The following NCKAP5 variants were observed in gnomAD, a reference collection of about 807,000 sequenced individuals.
The protein encoded by NCKAP5 is nck-associated protein 5.
A neutral mutation model predicts 167.0 loss-of-function variants in NCKAP5; 92 were observed. That is an observed-to-expected ratio of 0.55 (90% CI 0.47 to 0.66). The LOEUF (loss-of-function observed/expected upper bound fraction) is 0.66. Ranked by LOEUF, NCKAP5 falls within the 30% of genes least tolerant of loss-of-function variation. The pLI is 0.00. For missense variants in NCKAP5, 2,378 were observed against 2,315.0 expected (o/e 1.03, Z -0.56); for synonymous variants, 891 against 877.4 (o/e 1.02, Z -0.27).
the NCKAP5 span, among the ~76,000 whole-genome samples, chr2:133,613,344 T>A: frequency 4.3e-4 from 65 of 152,280 alleles, no homozygotes; most frequent in East Asian, 0.012. Context: ...GTTATAATTA[T>A]TAAGAAAGAT....
At chr2:133,591,474 G>T in the NCKAP5 span, among the ~76,000 whole-genome samples, 23 of 152,338 alleles carry the variant, frequency 1.5e-4, no homozygotes, top group South Asian at 4.8e-3. Flanking sequence ...GAAGGAGGGG[G>T]AGAGGACTTC....
At chr2:133,001,707 G>A (rs1038278150) in intron 6 of NCKAP5, among the ~76,000 whole-genome samples, 5 of 152,062 alleles carry the variant, frequency 3.3e-5, no homozygotes, top group African/African-American at 9.7e-5. Context: ...ACTTGGCTGG[G>A]TATCAACATT....
rs145254097 is a variant in NCKAP5 at position 133,418,901 on chromosome 2, C to T, written c.69+98557G>A. Reference sequence around the variant, plus strand: ...TTTTACCCTTAGTGTGGGTTCAGACCGAGGGCATATTGAGTCACAATGAAA... The same window carrying T: ...TTTTACCCTTAGTGTGGGTTCAGACTGAGGGCATATTGAGTCACAATGAAA... On this transcript the variant is annotated intron_variant, in intron 3 of 19. Coordinates refer to ENST00000409261, the MANE Select transcript of NCKAP5 (RefSeq NM_207363.3). Among the ~76,000 whole-genome samples, 27 of 152,114 alleles carry T rather than the reference C, an allele frequency of 1.8e-4. No individual in the cohort carries two copies. In the East Asian group the frequency reaches 3.7e-3, roughly 21 times the overall value.
intron 3 of NCKAP5, among the ~76,000 whole-genome samples, chr2:133,465,077 A>T (rs1423727395): frequency 6.6e-6 from 1 of 151,724 alleles, no homozygotes; most frequent in Admixed American, 6.6e-5. Context: ...TTACATATGT[A>T]TACATGTGCC....
chr2:132,694,138 T>TA (rs10665862), intron 19 of NCKAP5, among the ~76,000 whole-genome samples: 16 of 150,748 alleles, frequency 1.1e-4, no homozygotes, highest in South Asian at 8.4e-4. Context: ...TTTATTTATT[T>TA]TTTGAATTTC....
At chr2:133,315,649 AT>A in intron 3 of NCKAP5, among the ~76,000 whole-genome samples, 1 of 151,698 alleles carries the variant, frequency 6.6e-6, no homozygotes, top group African/African-American at 2.4e-5. Context: ...AAAAAAGTAA[AT>A]GAAGGAGAGG....
chr2:132,795,812 C>T (rs1480117344), intron 12 of NCKAP5, among the ~76,000 whole-genome samples: 1 of 116,076 alleles, frequency 8.6e-6, no homozygotes, highest in African/African-American at 3.4e-5. Flanking sequence ...GGATGAGACC[C>T]CGTATCAGAA....
intron 19 of NCKAP5, among the ~76,000 whole-genome samples, chr2:132,689,704 C>T (rs1686471791): frequency 6.6e-6 from 1 of 152,154 alleles, no homozygotes; most frequent in African/African-American, 2.4e-5. Context: ...CTTCTTAACA[C>T]CACAATTCAG....
chr2:132,974,397 G>A (rs534646756), intron 7 of NCKAP5, among the ~76,000 whole-genome samples: 114 of 152,202 alleles, frequency 7.5e-4, no homozygotes, highest in African/African-American at 2.4e-3. Flanking sequence ...AATAAATAAC[G>A]ATTCATATTT....
chr2:133,216,446 T>C (rs572064777), intron 4 of NCKAP5, among the ~76,000 whole-genome samples: 6 of 152,170 alleles, frequency 3.9e-5, no homozygotes, highest in African/African-American at 1.2e-4. Flanking sequence ...TGAGAAGAGA[T>C]GTAGAGTTTT....
chr2:132,792,834 C>G (rs989272530), intron 12 of NCKAP5, among the ~76,000 whole-genome samples: 2 of 152,154 alleles, frequency 1.3e-5, no homozygotes, highest in Admixed American at 6.5e-5. Flanking sequence ...AACTCAATTC[C>G]CAGGTCTCTT....
At chr2:133,498,460 AAGGAAGGAAGGAAGGAAGGAAGGC>A (rs1262510644) in intron 3 of NCKAP5, among the ~76,000 whole-genome samples, 8 of 140,744 alleles carry the variant, frequency 5.7e-5, no homozygotes, top group African/African-American at 1.7e-4. Context: ...GGAAGGAAGG[AAGGAAGGAAGGAAGGAAGGAAGGC>A]AGGCAGGCAG....
At chr2:132,698,859 A>AC (rs200872643) in intron 19 of NCKAP5, among the ~76,000 whole-genome samples, 1,593 of 151,796 alleles carry the variant, frequency 0.01, 8 homozygotes, top group Non-Finnish European at 0.015. Context: ...AAACAAACAA[A>AC]AAAAAAAGTG....
chr2:133,471,032 C>CT (rs1280098950), intron 3 of NCKAP5, among the ~76,000 whole-genome samples: 1 of 152,260 alleles, frequency 6.6e-6, no homozygotes, highest in Non-Finnish European at 1.5e-5. Context: ...ATCTTGGCTC[C>CT]TCCCCCCCTG....
rs72842448 is a variant in NCKAP5 at position 133,101,930 on chromosome 2, G to A, written c.341+28048C>T. Among the ~76,000 whole-genome samples, 1,151 of 152,072 alleles carry A rather than the reference G, an allele frequency of 7.6e-3. 6 individuals are homozygous for A. The highest frequency in any genetic ancestry group is 0.012 in the Non-Finnish European group (807 of 67,982). On this transcript the variant is annotated intron_variant, in intron 6 of 19. Coordinates refer to ENST00000409261, the MANE Select transcript of NCKAP5 (RefSeq NM_207363.3). ...ATGCAAATCAGTCACTAACATCCTC[G>A]ACAATACATAAGCCAGGCTCAGCAG...
intron 8 of NCKAP5, among the ~76,000 whole-genome samples, chr2:132,944,181 G>T (rs1697518934): frequency 6.6e-6 from 1 of 152,154 alleles, no homozygotes; most frequent in Non-Finnish European, 1.5e-5. Context: ...GGGGCAGGGG[G>T]AATATGGGAG....
At chr2:133,478,821 C>G (rs907136166) in intron 3 of NCKAP5, among the ~76,000 whole-genome samples, 1 of 151,918 alleles carries the variant, frequency 6.6e-6, no homozygotes, top group Non-Finnish European at 1.5e-5. Context: ...AAGAATACCT[C>G]GCACAAGATA....
chr2:133,502,537 T>C (rs1682617100), intron 3 of NCKAP5, among the ~76,000 whole-genome samples: 1 of 152,164 alleles, frequency 6.6e-6, no homozygotes, highest in Non-Finnish European at 1.5e-5. Flanking sequence ...ATCCCAGTCT[T>C]AAAATCTATT....
At chr2:132,881,856 C>A (rs1184125912) in intron 8 of NCKAP5, among the ~76,000 whole-genome samples, 6 of 152,118 alleles carry the variant, frequency 3.9e-5, no homozygotes, top group Non-Finnish European at 1.5e-5. Flanking sequence ...ATGAAAATAT[C>A]CTATTGCTCA....
Sources: gnomAD v4.1 joint callset for allele counts (sites outside exome capture counted in the v4.1 genomes callset) on GRCh38, gnomAD v4.1.1 for gene constraint, MANE v1.5 for transcripts, NCBI Gene and HGNC (gene_info 2026-07-23, HGNC 2026-07-21) for gene names.